Variants in MECOM observed in about 807,000 individuals in gnomAD.
MECOM encodes MDS1 and EVI1 complex locus.
MECOM carries 13 observed loss-of-function variants against 116.3 expected under a neutral mutation model. The observed-to-expected ratio is 0.11, with a 90% CI of 0.07 to 0.18. The LOEUF is 0.18. Ranked by LOEUF, MECOM falls within the 10% of genes least tolerant of loss-of-function variation. The pLI is 1.00. For missense variants in MECOM, 1,299 were observed against 1,509.0 expected, an observed-to-expected ratio of 0.86 and a Z score of 2.31; for synonymous variants, 528 against 535.2, an observed-to-expected ratio of 0.99 and a Z score of 0.19.
chr3:169,472,570 G>A (rs141003445), intron 1 of MECOM, among the ~76,000 whole-genome samples: 1,006 of 60,620 alleles, frequency 0.017, 3 homozygotes, highest in Non-Finnish European at 0.022. Context: ...GAGGAGAGGA[G>A]AGGAGAGGAG....
At chr3:169,615,475 T>G (rs1411186173) in intron 1 of MECOM, among the ~76,000 whole-genome samples, 1 of 152,262 alleles carries the variant, frequency 6.6e-6, no homozygotes, top group Non-Finnish European at 1.5e-5. Context: ...TTTATTCATT[T>G]GATTGCAAAA....
chr3:169,316,640 TC>T (rs1719791010), intron 2 of MECOM, among the ~76,000 whole-genome samples: 1 of 152,104 alleles, frequency 6.6e-6, no homozygotes, highest in Non-Finnish European at 1.5e-5. Context: ...AGCCTCGACC[TC>T]CCCAGGCTCA....
chr3:169,565,373 C>T (rs1199656752), intron 1 of MECOM, among the ~76,000 whole-genome samples: 2 of 152,136 alleles, frequency 1.3e-5, no homozygotes, highest in Non-Finnish European at 2.9e-5. Flanking sequence ...CTAGGGTGAA[C>T]CAAGTAACTT....
At chr3:169,460,369 C>T (rs1350398889) in intron 1 of MECOM, among the ~76,000 whole-genome samples, 1 of 151,916 alleles carries the variant, frequency 6.6e-6, no homozygotes, top group Non-Finnish European at 1.5e-5. Context: ...ACTTACAGAA[C>T]ATTTCAGAAC....
At chr3:169,285,956 A>T (rs1025670662) in intron 2 of MECOM, among the ~76,000 whole-genome samples, 1 of 152,182 alleles carries the variant, frequency 6.6e-6, no homozygotes, top group Admixed American at 6.5e-5. Flanking sequence ...TGTGTGTTTA[A>T]TGTACTTGGC....
intron 2 of MECOM, among the ~76,000 whole-genome samples, chr3:169,359,802 A>T (rs943076879): frequency 2.0e-5 from 3 of 151,806 alleles, no homozygotes; most frequent in African/African-American, 7.2e-5. Context: ...AAACATTCCA[A>T]TTAAATGTAT....
At chr3:169,248,443 T>C (rs911014114) in intron 2 of MECOM, among the ~76,000 whole-genome samples, 23 of 152,202 alleles carry the variant, frequency 1.5e-4, no homozygotes, top group African/African-American at 5.3e-4. Flanking sequence ...AAATTCTTAG[T>C]CTAAGTCTCT....
chr3:169,342,779 G>A (rs932602063), intron 2 of MECOM, among the ~76,000 whole-genome samples: 8 of 152,062 alleles, frequency 5.3e-5, no homozygotes, highest in Non-Finnish European at 7.4e-5. Flanking sequence ...TCGAGTAAAC[G>A]GAAAATCTCA....
intron 1 of MECOM, among the ~76,000 whole-genome samples, chr3:169,536,303 G>A (rs1319500662): frequency 6.8e-6 from 1 of 147,424 alleles, no homozygotes; most frequent in Non-Finnish European, 1.5e-5. Flanking sequence ...CATATCTGGT[G>A]TAAAAGTTAG....
rs1004645327 is a variant in MECOM, at chr3:169,343,225, T to C, written c.375+37962A>G. ...TAGCCTGATAAGTTGATTTTGTGAGTCCTTTTTCTCATCTCTTGAGAAGAC... is the reference window on the plus strand; with the variant it reads ...TAGCCTGATAAGTTGATTTTGTGAGCCCTTTTTCTCATCTCTTGAGAAGAC... On this transcript the variant is annotated intron_variant, in intron 2 of 16. Coordinates refer to ENST00000651503, the MANE Select transcript of MECOM (RefSeq NM_004991.4). 2.3e-4 allele frequency among the ~76,000 whole-genome samples: 35 copies of C among 152,252 alleles called. 1 individual carries two copies. The highest frequency in any genetic ancestry group is 2.3e-3 in the Admixed American group (35 of 15,284).
intron 2 of MECOM, among the ~76,000 whole-genome samples, chr3:169,310,896 T>G (rs571079273): frequency 2.6e-5 from 4 of 152,232 alleles, no homozygotes; most frequent in Admixed American, 6.5e-5. Flanking sequence ...TTACATGACC[T>G]GCAGCCTCTA....
intron 1 of MECOM, among the ~76,000 whole-genome samples, chr3:169,502,128 A>G (rs1325008500): frequency 6.6e-6 from 1 of 152,112 alleles, no homozygotes; most frequent in Non-Finnish European, 1.5e-5. Flanking sequence ...CTTTTCCTAC[A>G]GTGCTCTGAT....
chr3:169,367,013 GCCCC>G (rs1288605336), intron 2 of MECOM, among the ~76,000 whole-genome samples: 1 of 152,076 alleles, frequency 6.6e-6, no homozygotes, highest in Non-Finnish European at 1.5e-5. Context: ...TGCGCACTGT[GCCCC>G]CAGGAAGAAG....
chr3:169,141,336 C>T (rs1738052042), intron 3 of MECOM, among the ~76,000 whole-genome samples: 1 of 151,954 alleles, frequency 6.6e-6, no homozygotes, highest in African/African-American at 2.4e-5. Context: ...GTTCCATTTG[C>T]TTTTGTGTTA....
Position 169,131,439 on chromosome 3 carries a change from C to T in MECOM, c.603G>A (p.Pro201=), listed in dbSNP as rs1247413105. The change falls in exon 4 of 17, where the codon CCG becomes CCA. Residue 201 remains proline (P), a synonymous_variant. Transcript: ENST00000651503. Reference sequence around the variant, plus strand: ...GTGAGTGGTACTAACCGTGGATATCCGGCGCCATAGTTTCATGGGGATAGT... The same window carrying T: ...GTGAGTGGTACTAACCGTGGATATCTGGCGCCATAGTTTCATGGGGATAGT... ...SEDYPHETMA[P]DIHEERQYRC... is the part of the protein sequence containing the mutation. The T allele has an allele frequency of 5.6e-6, 9 of 1,613,754 alleles. No individual in the cohort carries two copies. In the East Asian group the frequency reaches 6.7e-5, roughly 12 times the overall value.
intron 1 of MECOM, among the ~76,000 whole-genome samples, chr3:169,605,489 G>A (rs1768410341): frequency 6.6e-6 from 1 of 152,214 alleles, no homozygotes; most frequent in African/African-American, 2.4e-5. Context: ...ACAGAAATGA[G>A]TAACAGTAAC....
In MECOM at chr3:169,177,762, C is replaced by T. The variant is rs912862873; in HGVS notation, c.376-33930G>A. ...TGAAATACTGTCTCTACTAAAAATA[C>T]AAAAAAATAGCTGGGCATGTTGGCA... On this transcript the variant is annotated intron_variant, in intron 2 of 16. Transcript: ENST00000651503. 6.1e-4 allele frequency among the ~76,000 whole-genome samples: 92 copies of T among 151,474 alleles called. 1 individual carries two copies. The highest frequency in any genetic ancestry group is 2.2e-3 in the African/African-American group (91 of 41,336).
chr3:169,593,181 G>A (rs1029022708), intron 1 of MECOM, among the ~76,000 whole-genome samples: 5 of 152,206 alleles, frequency 3.3e-5, no homozygotes, highest in Admixed American at 6.5e-5. Context: ...CTGCAAGACT[G>A]CACCCAGCTT....
intron 1 of MECOM, among the ~76,000 whole-genome samples, chr3:169,652,713 TTATC>T (rs767545759): frequency 6.6e-5 from 10 of 152,196 alleles, no homozygotes; most frequent in Non-Finnish European, 1.0e-4. Flanking sequence ...ATTCAATACA[TTATC>T]TATCAACCTT....
Sources: gnomAD v4.1 joint callset for allele counts (sites outside exome capture counted in the v4.1 genomes callset) on GRCh38, gnomAD v4.1.1 for gene constraint, MANE v1.5 for transcripts, NCBI Gene and HGNC (gene_info 2026-07-23, HGNC 2026-07-21) for gene names.